Variants in HEPHL1 observed in about 807,000 individuals in gnomAD.
HEPHL1 encodes ferroxidase HEPHL1.
Under a neutral mutation model 122.0 loss-of-function variants are expected in HEPHL1, and 123 were observed. That is an observed-to-expected ratio of 1.01 (90% CI 0.87 to 1.17). The LOEUF (loss-of-function observed/expected upper bound fraction) is 1.17, where lower values mean the gene tolerates loss of function less well. Ranked by LOEUF, HEPHL1 falls within the 50% of genes most tolerant of loss-of-function variation. The pLI, the probability that HEPHL1 is intolerant of heterozygous loss-of-function variation, is 0.00. For synonymous variants in HEPHL1, 527 were observed against 508.9 expected, an observed-to-expected ratio of 1.04 and a Z score of -0.48; for missense variants, 1,452 against 1,430.5, an observed-to-expected ratio of 1.01 and a Z score of -0.24.
rs745730257 is a variant in HEPHL1 at position 94,045,720 on chromosome 11, T to G, written c.218T>G (p.Ile73Ser). 3 of 1,613,100 alleles carry G rather than the reference T, an allele frequency of 1.9e-6. No individual in the cohort carries two copies. The highest frequency in any genetic ancestry group is 2.2e-5 in the South Asian group (2 of 90,898). The change falls in exon 2 of 20, where the codon ATT becomes AGT. Residue 73 changes from isoleucine to serine, a missense_variant. Physicochemically the swap from Ile to Ser is moderately radical, Grantham distance 142. Transcript: ENST00000315765. ...LERGPNRIGS[I>S]YKKAVYRRFT... is the part of the protein sequence containing the mutation. ...AGAGGGCCCAACAGGATAGGCAGTA[T>G]TTACAAAAAGGCTGTTTACAGACGC...
chr11:94,089,089 CTT>C (rs1021353395), intron 12 of HEPHL1, 121 bp downstream of exon 12: 85 of 918,354 alleles, frequency 9.3e-5, no homozygotes, highest in African/African-American at 1.5e-4. Context: ...CCGACAGAGA[CTT>C]TTACTTATGT....
In HEPHL1 at chr11:94,110,999, C is replaced by T. The variant is rs1946444522; in HGVS notation, c.3142C>T (p.His1048Tyr). Residue 1048 changes from histidine to tyrosine, a missense_variant, in exon 18 of 20, where the codon CAC (histidine) becomes TAC (tyrosine). Coordinates refer to ENST00000315765, the MANE Select transcript of HEPHL1 (RefSeq NM_001098672.2). The part of the protein sequence containing the change: ...FADHPGTWLL[H>Y]CHVSDHIHAG... ...AGATCACCCAGGGACATGGCTGCTA[C>T]ACTGTCATGTGTCTGACCACATCCA... is the stretch of plus-strand genomic sequence containing the variant. 6.2e-7 allele frequency: 1 copy of T among 1,610,608 alleles called. No homozygotes were observed. Among genetic ancestry groups the T allele is most frequent in the African/African-American group, 1.3e-5 (1 of 74,862 alleles).
At chr11:94,107,240 C>T (rs979136914) in intron 17 of HEPHL1, among the ~76,000 whole-genome samples, 11 of 152,162 alleles carry the variant, frequency 7.2e-5, no homozygotes, top group Admixed American at 2.6e-4. Context: ...TATATTTCAA[C>T]GTTGTTTACG....
intron 14 of HEPHL1, 82 bp from the exon 15 acceptor site, chr11:94,102,831 TA>T: frequency 2.8e-6 from 2 of 709,548 alleles, no homozygotes; most frequent in Non-Finnish European, 2.4e-6. Flanking sequence ...TGAAAATATA[TA>T]AAGACCTGCT....
chr11:94,027,089 G>C (rs1317271257), intron 1 of HEPHL1, among the ~76,000 whole-genome samples: 1 of 152,076 alleles, frequency 6.6e-6, no homozygotes, highest in African/African-American at 2.4e-5. Context: ...ACTCTTCCAG[G>C]TTCTGGTATC....
rs892064772 is a variant in HEPHL1, at chr11:94,096,715, A to C, written c.2434+3075A>C. 2.0e-5 allele frequency among the ~76,000 whole-genome samples: 3 copies of C among 152,214 alleles called. No individual in the cohort carries two copies. In the South Asian group the frequency reaches 6.2e-4, roughly 32 times the overall value. On this transcript the variant is annotated intron_variant, in intron 13 of 19. Coordinates refer to ENST00000315765, the MANE Select transcript of HEPHL1 (RefSeq NM_001098672.2). Reference sequence around the variant, plus strand: ...TTCAGAACACGTTATTGGTCTATTCAGTAATTCAACTTCTTCCTGGTTTAG... The same window carrying C: ...TTCAGAACACGTTATTGGTCTATTCCGTAATTCAACTTCTTCCTGGTTTAG...
intron 9 of HEPHL1, among the ~76,000 whole-genome samples, chr11:94,077,727 G>GCCCCA (rs1285526059): frequency 4.6e-5 from 7 of 152,156 alleles, no homozygotes; most frequent in Non-Finnish European, 7.4e-5. Context: ...ATTTAGACAT[G>GCCCCA]CCCCAGCCTC....
At chr11:94,056,699 ATCT>A (rs1945940349) in intron 2 of HEPHL1, among the ~76,000 whole-genome samples, 1 of 151,756 alleles carries the variant, frequency 6.6e-6, no homozygotes, top group Non-Finnish European at 1.5e-5. Context: ...CTATCTATCT[ATCT>A]ATCTATAATG....
At chr11:94,024,699 C>T (rs1233469723) in intron 1 of HEPHL1, among the ~76,000 whole-genome samples, 3 of 152,088 alleles carry the variant, frequency 2.0e-5, no homozygotes, top group African/African-American at 7.2e-5. Flanking sequence ...AGCTTGGGGT[C>T]TTTATCATGA....
chr11:94,021,546 A>T lies in HEPHL1; in HGVS notation c.170+8A>T. ...AAGTTTCACAGAAGACAAGTGAGTG[A>T]ACTTAGGGTCCTCATTGACTCCCAG... On this transcript the variant is annotated splice_region_variant and intron_variant, in intron 1 of 19. Coordinates refer to ENST00000315765, the MANE Select transcript of HEPHL1 (RefSeq NM_001098672.2). The T allele has an allele frequency of 1.3e-6, 2 of 1,591,110 alleles. No individual in the cohort carries two copies. The highest frequency in any genetic ancestry group is 1.7e-6 in the Non-Finnish European group (2 of 1,167,164).
chr11:94,050,784 T>C (rs568782624), intron 2 of HEPHL1, among the ~76,000 whole-genome samples: 23 of 152,294 alleles, frequency 1.5e-4, no homozygotes, highest in African/African-American at 5.5e-4. Flanking sequence ...TATTTTTTTG[T>C]ATCCATTAAT....
rs555277421 is a variant in HEPHL1 at position 94,101,463 on chromosome 11, G to A, written c.2575+128G>A. 3 of 909,672 alleles carry A rather than the reference G, an allele frequency of 3.3e-6. No homozygotes were observed. The East Asian group carries it at 7.9e-5, about 24-fold the overall frequency. 56.4% of individuals were successfully genotyped at this position (909,672 alleles called of 1,614,324 possible). ...GTTTCAGCCATCATCTAGTCACTCT[G>A]GTATGAGATCATCATTCATCCAATG... On this transcript the variant is annotated intron_variant, in intron 14 of 19. Transcript: ENST00000315765.
Position 94,063,707 on chromosome 11 carries a change from G to A in HEPHL1, c.615G>A (p.Leu205=), listed in dbSNP as rs746013915. 3.1e-6 allele frequency: 5 copies of A among 1,613,408 alleles called. No homozygotes were observed. In the South Asian group the frequency reaches 3.3e-5, roughly 11 times the overall value. Residue 205 remains leucine (L), a synonymous_variant, in exon 3 of 20, where the codon CTG becomes CTA. Coordinates refer to ENST00000315765, the MANE Select transcript of HEPHL1 (RefSeq NM_001098672.2). ...GCTCTGGGCTAATTGGGCCCCTGCT[G>A]GTCTGCAAGGAAGGTAAGGAGCTTT... is the stretch of plus-strand genomic sequence containing the variant. ...DICSGLIGPL[L]VCKEGILNRY...
intron 6 of HEPHL1, among the ~76,000 whole-genome samples, chr11:94,071,565 A>G (rs1256494533): frequency 6.6e-6 from 1 of 152,182 alleles, no homozygotes; most frequent in African/African-American, 2.4e-5. Flanking sequence ...AGATTAAACT[A>G]TATTCAATCA....
chr11:94,064,256 C>T (rs1946014234), intron 3 of HEPHL1, 75 bp from the exon 4 acceptor site: 3 of 1,156,534 alleles, frequency 2.6e-6, no homozygotes, highest in Non-Finnish European at 3.7e-6. Context: ...TCACACTTGC[C>T]TGACACTATT....
chr11:94,111,006 A>G lies in HEPHL1; in HGVS notation c.3149A>G (p.His1050Arg). 6.2e-7 allele frequency: 1 copy of G among 1,610,344 alleles called. No homozygotes were observed. Among genetic ancestry groups the G allele is most frequent in the Non-Finnish European group, 8.5e-7 (1 of 1,178,086 alleles). Residue 1050 changes from histidine (H) to arginine (R), a missense_variant, in exon 18 of 20, where the codon CAT becomes CGT. His to Arg is a conservative substitution (Grantham distance 29, BLOSUM62 0). Coordinates refer to ENST00000315765, the MANE Select transcript of HEPHL1 (RefSeq NM_001098672.2). The stretch of plus-strand genomic sequence containing the variant: ...CCAGGGACATGGCTGCTACACTGTC[A>G]TGTGTCTGACCACATCCATGCTGGC... The part of the protein sequence containing the change: ...DHPGTWLLHC[H>R]VSDHIHAGME...
At chr11:94,064,034 T>C (rs1436105351) in intron 3 of HEPHL1, among the ~76,000 whole-genome samples, 1 of 152,244 alleles carries the variant, frequency 6.6e-6, no homozygotes, top group Non-Finnish European at 1.5e-5. Context: ...CAAATAATCA[T>C]TTGCTATTTT....
intron 4 of HEPHL1, among the ~76,000 whole-genome samples, chr11:94,065,108 C>G (rs1946022732): frequency 6.6e-6 from 1 of 152,196 alleles, no homozygotes; most frequent in Non-Finnish European, 1.5e-5. Context: ...AGATGGGGCA[C>G]TTACTCATGC....
intron 1 of HEPHL1, among the ~76,000 whole-genome samples, chr11:94,043,383 G>C (rs112577616): frequency 0.01 from 1,563 of 152,244 alleles, 26 homozygotes; most frequent in African/African-American, 0.035. Context: ...TTTAACCAAC[G>C]AGACACTCTG....
Sources: gnomAD v4.1 joint callset for allele counts (sites outside exome capture counted in the v4.1 genomes callset) on GRCh38, gnomAD v4.1.1 for gene constraint, MANE v1.5 for transcripts, NCBI Gene and HGNC (gene_info 2026-07-23, HGNC 2026-07-21) for gene names.